The following DEUP1 variants were observed in gnomAD, a reference collection of about 807,000 sequenced individuals.
DEUP1 encodes deuterosome assembly protein 1.
In DEUP1, 82 loss-of-function variants were observed where a neutral mutation model predicts 87.4. The ratio of observed to expected loss-of-function variants is 0.94; its 90% CI spans 0.78 to 1.13. The LOEUF (loss-of-function observed/expected upper bound fraction) is 1.13, where lower values mean the gene tolerates loss of function less well. Ranked by LOEUF, DEUP1 falls within the 50% of genes most tolerant of loss-of-function variation. The pLI, the probability that DEUP1 is intolerant of heterozygous loss-of-function variation, is 0.00. For synonymous variants in DEUP1, 214 were observed against 222.7 expected (o/e 0.96, Z 0.35); for missense variants, 663 against 681.5 (o/e 0.97, Z 0.30).
chr11:93,375,733 G>A lies in DEUP1; in HGVS notation c.789+4453G>A, dbSNP rs141663431. On this transcript the variant is annotated intron_variant, in intron 7 of 13. Coordinates refer to ENST00000298050, the MANE Select transcript of DEUP1 (RefSeq NM_181645.4). Reference sequence around the variant, plus strand: ...GCATCTATGTTCATCAGGGATATTGGTCTGTAGTTTTCTTTTTCTCTTATA... The same window carrying A: ...GCATCTATGTTCATCAGGGATATTGATCTGTAGTTTTCTTTTTCTCTTATA... 8.0e-3 allele frequency among the ~76,000 whole-genome samples: 1,222 copies of A among 152,244 alleles called. 15 individuals carry two copies. Among genetic ancestry groups the A allele is most frequent in the African/African-American group, 0.028 (1,153 of 41,536 alleles).
chr11:93,346,603 A>C (rs1264783356), intron 2 of DEUP1, among the ~76,000 whole-genome samples: 1 of 152,128 alleles, frequency 6.6e-6, no homozygotes, highest in Admixed American at 6.5e-5. Context: ...GCTTAACAGG[A>C]ATAACATTGA....
chr11:93,437,747 C>CA lies in DEUP1; in HGVS notation c.*28_*29insA. ...TTTTAAACTTTTTTATTTGCTTCCCCCCCCCACCCCCGCCAAGAAAAAAAG... is the reference window on the plus strand; with the variant it reads ...TTTTAAACTTTTTTATTTGCTTCCCCACCCCCACCCCCGCCAAGAAAAAAAG... On this transcript the variant is annotated 3_prime_UTR_variant, in exon 14 of 14. Transcript: ENST00000298050. 2 of 1,052,652 alleles carry CA rather than the reference C, an allele frequency of 1.9e-6. No homozygotes were observed. Among genetic ancestry groups the CA allele is most frequent in the African/African-American group, 2.0e-5 (1 of 48,936 alleles). 65.2% of individuals were successfully genotyped at this position (1,052,652 alleles called of 1,614,324 possible).
chr11:93,353,197 G>A (rs559269170), intron 2 of DEUP1, among the ~76,000 whole-genome samples: 1 of 152,154 alleles, frequency 6.6e-6, no homozygotes, highest in African/African-American at 2.4e-5. Context: ...AAAACAGAGG[G>A]GTTACAGGCC....
chr11:93,411,457 T>C (rs1023582993), intron 12 of DEUP1, among the ~76,000 whole-genome samples: 6 of 152,210 alleles, frequency 3.9e-5, no homozygotes, highest in African/African-American at 1.2e-4. Context: ...TTATTCACTC[T>C]GAAGCAACTC....
chr11:93,419,682 T>C (rs534541031), intron 13 of DEUP1, among the ~76,000 whole-genome samples: 2 of 152,138 alleles, frequency 1.3e-5, no homozygotes, highest in Non-Finnish European at 1.5e-5. Context: ...GGAGATTAAA[T>C]ATATTAAAGT....
At chr11:93,332,533 C>G (rs150728510) in intron 2 of DEUP1, among the ~76,000 whole-genome samples, 25 of 152,332 alleles carry the variant, frequency 1.6e-4, no homozygotes, top group South Asian at 4.1e-4. Context: ...TGTCCAATAT[C>G]TAAGGGTGGT....
intron 5 of DEUP1, among the ~76,000 whole-genome samples, chr11:93,365,330 T>TA (rs1945361215): frequency 1.3e-5 from 2 of 152,042 alleles, no homozygotes; most frequent in South Asian, 4.1e-4. Context: ...CATAGTTTTT[T>TA]AAAAAAACAA....
intron 8 of DEUP1, among the ~76,000 whole-genome samples, chr11:93,386,464 C>T (rs1369658894): frequency 6.6e-6 from 1 of 152,152 alleles, no homozygotes; most frequent in Admixed American, 6.5e-5. Context: ...TTCTCAAAAT[C>T]AGAAAGCTAA....
intron 12 of DEUP1, among the ~76,000 whole-genome samples, chr11:93,409,638 T>G (rs1947379775): frequency 6.6e-6 from 1 of 152,176 alleles, no homozygotes; most frequent in Admixed American, 6.5e-5. Context: ...CAACATTTGC[T>G]CATAAGCTCA....
chr11:93,330,501 AG>A (rs1383616350), upstream of DEUP1: 1 of 152,420 alleles, frequency 6.6e-6, no homozygotes, highest in African/African-American at 2.4e-5. Flanking sequence ...GGAGCCGCAC[AG>A]GGCAGCGCCT....
intron 4 of DEUP1, among the ~76,000 whole-genome samples, chr11:93,358,825 T>C (rs567883693): frequency 6.6e-6 from 1 of 152,238 alleles, no homozygotes; most frequent in East Asian, 1.9e-4. Flanking sequence ...TCAGATGATA[T>C]GCCCACCTCA....
intron 13 of DEUP1, among the ~76,000 whole-genome samples, chr11:93,429,827 A>C (rs1292343625): frequency 6.6e-6 from 1 of 152,144 alleles, no homozygotes; most frequent in Non-Finnish European, 1.5e-5. Flanking sequence ...TTACTCTTTT[A>C]AGGAATTCCT....
intron 13 of DEUP1, among the ~76,000 whole-genome samples, chr11:93,428,997 A>T (rs1948023457): frequency 6.6e-6 from 1 of 152,124 alleles, no homozygotes; most frequent in South Asian, 2.1e-4. Flanking sequence ...AGCACCATTC[A>T]TATGTTTATT....
At chr11:93,379,078 A>G (rs1284379138) in intron 7 of DEUP1, among the ~76,000 whole-genome samples, 1 of 152,122 alleles carries the variant, frequency 6.6e-6, no homozygotes, top group African/African-American at 2.4e-5. Flanking sequence ...GTCTGGTTCT[A>G]CCCTTCAGTG....
intron 7 of DEUP1, chr11:93,383,726 A>G: frequency 2.0e-6 from 1 of 512,708 alleles, no homozygotes; most frequent in Middle Eastern, 5.2e-4. Context: ...ATTTTTTAAA[A>G]TATAGTGTTT....
Position 93,418,940 on chromosome 11 carries a change from C to A in DEUP1, c.1638+3826C>A, listed in dbSNP as rs530975902. Among the ~76,000 whole-genome samples, 119 of 150,350 alleles carry A rather than the reference C, an allele frequency of 7.9e-4. No homozygotes were observed. In the East Asian group the frequency reaches 0.02, roughly 26 times the overall value. On this transcript the variant is annotated intron_variant, in intron 13 of 13. Coordinates refer to ENST00000298050, the MANE Select transcript of DEUP1 (RefSeq NM_181645.4). ...AGTAAACTATCGCAAGAACAAAAAA[C>A]CAAACACTGCATATTCTCACTCATA...
intron 13 of DEUP1, among the ~76,000 whole-genome samples, chr11:93,415,390 C>T (rs536104554): frequency 6.6e-6 from 1 of 152,234 alleles, no homozygotes; most frequent in East Asian, 1.9e-4. Context: ...AATGCGAGTG[C>T]TTGGGACTCA....
intron 7 of DEUP1, among the ~76,000 whole-genome samples, chr11:93,383,148 A>C (rs58480166): frequency 4.3e-4 from 65 of 152,254 alleles, no homozygotes; most frequent in Admixed American, 7.2e-4. Flanking sequence ...ATATGTCCAC[A>C]TAAGAGCTTA....
intron 7 of DEUP1, among the ~76,000 whole-genome samples, chr11:93,371,931 C>CTTT (rs72050582): frequency 1.4e-5 from 2 of 139,630 alleles, no homozygotes; most frequent in Non-Finnish European, 3.1e-5. Context: ...ATATGTATTT[C>CTTT]TTTTTTTTTT....
Sources: gnomAD v4.1 joint callset for allele counts (sites outside exome capture counted in the v4.1 genomes callset) on GRCh38, gnomAD v4.1.1 for gene constraint, MANE v1.5 for transcripts, NCBI Gene and HGNC (gene_info 2026-07-23, HGNC 2026-07-21) for gene names.